The following ANKRD55 variants were observed in gnomAD, a reference collection of about 807,000 sequenced individuals.
The protein encoded by ANKRD55 is ankyrin repeat domain-containing protein 55.
A neutral mutation model predicts 60.6 loss-of-function variants in ANKRD55; 41 were observed. The ratio of observed to expected loss-of-function variants is 0.68; its 90% confidence interval spans 0.53 to 0.88. The LOEUF is 0.88. ANKRD55 is among the 40% of genes least tolerant of loss of function. The pLI is 0.00. For synonymous variants in ANKRD55, 264 were observed against 290.3 expected, an observed-to-expected ratio of 0.91 and a Z score of 0.92; for missense variants, 732 against 767.6, an observed-to-expected ratio of 0.95 and a Z score of 0.55.
intron 10 of ANKRD55, chr5:56,110,537 T>C (rs562226931): frequency 6.5e-6 from 1 of 153,268 alleles, no homozygotes; most frequent in African/African-American, 2.4e-5. Flanking sequence ...GCATTTTTTT[T>C]TTTTTTGACA....
At chr5:56,102,153 G>T (rs919501751) in intron 11 of ANKRD55, among the ~76,000 whole-genome samples, 1 of 152,108 alleles carries the variant, frequency 6.6e-6, no homozygotes, top group Non-Finnish European at 1.5e-5. Flanking sequence ...TTGGGAGGCC[G>T]AGGTGGGTGG....
At chr5:56,166,245 C>T (rs1467509177) in intron 5 of ANKRD55, among the ~76,000 whole-genome samples, 1 of 147,758 alleles carries the variant, frequency 6.8e-6, no homozygotes, top group African/African-American at 2.5e-5. Flanking sequence ...CTCTATCTTT[C>T]TCTCTTTCTT....
chr5:56,207,567 T>C (rs899638035), intron 2 of ANKRD55, among the ~76,000 whole-genome samples: 9 of 152,208 alleles, frequency 5.9e-5, no homozygotes, highest in African/African-American at 2.4e-5. Context: ...TACAGACTAT[T>C]ACTCCTAGGC....
At chr5:56,136,019 A>G (rs1280783101) in intron 7 of ANKRD55, among the ~76,000 whole-genome samples, 1 of 151,478 alleles carries the variant, frequency 6.6e-6, no homozygotes, top group Non-Finnish European at 1.5e-5. Context: ...CAAGAGCTAT[A>G]TGAAAAAATC....
chr5:56,223,402 A>C (rs1760022430), intron 2 of ANKRD55, among the ~76,000 whole-genome samples: 2 of 152,210 alleles, frequency 1.3e-5, no homozygotes, highest in Admixed American at 6.5e-5. Flanking sequence ...CAAAAACATG[A>C]CAAATTGTAA....
At chr5:56,122,354 A>T (rs927766258) in intron 8 of ANKRD55, among the ~76,000 whole-genome samples, 2 of 152,190 alleles carry the variant, frequency 1.3e-5, no homozygotes, top group Non-Finnish European at 2.9e-5. Context: ...GTTGTATTCA[A>T]GATTGAATAA....
chr5:56,115,071 A>G (rs1371514016), intron 9 of ANKRD55, among the ~76,000 whole-genome samples: 1 of 151,890 alleles, frequency 6.6e-6, no homozygotes, highest in Non-Finnish European at 1.5e-5. Context: ...ATGGTGGCAC[A>G]TGCCTAAAGT....
At chr5:56,127,996 C>T (rs1036103161) in intron 7 of ANKRD55, among the ~76,000 whole-genome samples, 1 of 152,124 alleles carries the variant, frequency 6.6e-6, no homozygotes, top group African/African-American at 2.4e-5. Context: ...TTAGAAGTCA[C>T]CTAAAGTTTA....
At chr5:56,128,174 T>G (rs888382492) in intron 7 of ANKRD55, among the ~76,000 whole-genome samples, 2 of 151,970 alleles carry the variant, frequency 1.3e-5, no homozygotes, top group African/African-American at 4.8e-5. Context: ...GCAAAAAGAG[T>G]GTCAGCACAA....
At position 56,143,865 on chromosome 5, in the gene ANKRD55, T is replaced by C; in HGVS notation, c.548A>G (p.Lys183Arg). Residue 183 changes from lysine to arginine, a missense_variant, in exon 7 of 12, where the codon AAG becomes AGG. Physicochemically the swap from Lys to Arg is conservative, Grantham distance 26 (BLOSUM62 2). Around this residue, in one of 3 missense-constraint regions of ANKRD55, gnomAD observed 597 missense variants for 607.5 expected, o/e 0.98. Coordinates refer to ENST00000341048, the MANE Select transcript of ANKRD55 (RefSeq NM_024669.3). ...CACAAGGGTGGGGTCTGCCCCCTTC[T>C]TCAGCAGCATTTGTGTGTGTTGAGG... ...NQPQHTQMLL[K>R]KGADPTLVDK... The C allele has an allele frequency of 6.2e-7, 1 of 1,614,192 alleles. No individual in the cohort carries two copies. The highest frequency in any genetic ancestry group is 8.5e-7 in the Non-Finnish European group (1 of 1,180,028).
At chr5:56,176,347 A>G (rs949869567) in intron 3 of ANKRD55, 65 bp from the exon 4 acceptor site, 1 of 1,588,898 alleles carries the variant, frequency 6.3e-7, no homozygotes, top group Non-Finnish European at 8.6e-7. Context: ...AGCAGGCTTT[A>G]TTGGCCTGTT....
At chr5:56,112,878 A>G (rs1756774514) in intron 9 of ANKRD55, among the ~76,000 whole-genome samples, 1 of 152,204 alleles carries the variant, frequency 6.6e-6, no homozygotes, top group Admixed American at 6.6e-5. Flanking sequence ...TTTTGGATGC[A>G]TATAATGAAT....
At chr5:56,130,802 T>C (rs972132268) in intron 7 of ANKRD55, among the ~76,000 whole-genome samples, 1 of 151,946 alleles carries the variant, frequency 6.6e-6, no homozygotes, top group Non-Finnish European at 1.5e-5. Context: ...AGAGAACAAA[T>C]AATAAATGCT....
intron 8 of ANKRD55, among the ~76,000 whole-genome samples, chr5:56,126,063 G>A (rs1218841956): frequency 6.6e-6 from 1 of 152,136 alleles, no homozygotes; most frequent in East Asian, 1.9e-4. Flanking sequence ...GGACCTGGGA[G>A]GTGGAGGTTG....
intron 6 of ANKRD55, among the ~76,000 whole-genome samples, chr5:56,147,991 T>A (rs879789802): frequency 6.6e-6 from 1 of 152,202 alleles, no homozygotes; most frequent in Admixed American, 6.5e-5. Flanking sequence ...GCAATTGGTA[T>A]CTGTACTAAG....
At chr5:56,186,045 A>G (rs935481185) in intron 2 of ANKRD55, among the ~76,000 whole-genome samples, 1 of 152,250 alleles carries the variant, frequency 6.6e-6, no homozygotes, top group Non-Finnish European at 1.5e-5. Flanking sequence ...TGTCCAGGTC[A>G]AATGCCACTC....
chr5:56,121,677 C>A lies in ANKRD55; in HGVS notation c.798-4895G>T, dbSNP rs527601692. 3.9e-5 allele frequency among the ~76,000 whole-genome samples: 6 copies of A among 152,166 alleles called. No homozygotes were observed. In the East Asian group the frequency reaches 1.2e-3, roughly 29 times the overall value. ...TGAGCCACCACACCCGGCCAGTGTT[C>A]CACCACTTTTTAAAAAAGATTGTAT... On this transcript the variant is annotated intron_variant, in intron 8 of 11. Transcript: ENST00000341048.
chr5:56,230,880 C>T (rs1398091960), intron 2 of ANKRD55, among the ~76,000 whole-genome samples: 2 of 152,128 alleles, frequency 1.3e-5, no homozygotes, highest in East Asian at 3.8e-4. Context: ...ACTCCCAGTC[C>T]AAGGTGATAA....
At chr5:56,175,997 AT>A (rs1447974515) in intron 4 of ANKRD55, among the ~76,000 whole-genome samples, 154 bp downstream of exon 4, 17 of 152,140 alleles carry the variant, frequency 1.1e-4, no homozygotes, top group Admixed American at 9.2e-4. Flanking sequence ...CTAAGTGGGG[AT>A]ATAAACGTTG....
Sources: allele counts gnomAD v4.1 joint callset (sites outside exome capture counted in the v4.1 genomes callset), GRCh38; gene constraint gnomAD v4.1.1; regional missense constraint gnomAD v4.1.1; transcripts MANE v1.5; gene names NCBI Gene and HGNC (gene_info 2026-07-23, HGNC 2026-07-21).